The following ZNF385B variants were observed in gnomAD, a reference collection of about 807,000 sequenced individuals.
ZNF385B encodes zinc finger protein 533.
Under a neutral mutation model 39.2 loss-of-function variants are expected in ZNF385B, and 23 were observed. The observed-to-expected ratio is 0.59, with a 90% confidence interval of 0.42 to 0.83. ZNF385B has a LOEUF of 0.83. Among genes scored for constraint, ZNF385B ranks in the 40% least tolerant of loss-of-function variants. ZNF385B has a pLI of 0.00. For missense variants in ZNF385B, 552 were observed against 598.9 expected, an observed-to-expected ratio of 0.92 and a Z score of 0.82; for synonymous variants, 205 against 222.6, an observed-to-expected ratio of 0.92 and a Z score of 0.70.
intron 1 of ZNF385B, among the ~76,000 whole-genome samples, chr2:179,773,858 A>G (rs932396190): frequency 6.6e-6 from 1 of 152,216 alleles, no homozygotes; most frequent in Admixed American, 6.5e-5. Context: ...TATAAAAACT[A>G]TGTTTTATTC....
chr2:179,518,829 A>G (rs2058281708), intron 4 of ZNF385B, among the ~76,000 whole-genome samples, 191 bp from the exon 5 acceptor site: 1 of 152,204 alleles, frequency 6.6e-6, no homozygotes, highest in Non-Finnish European at 1.5e-5. Flanking sequence ...GACAAAAATG[A>G]AAACAAAAAA....
chr2:179,719,812 A>G (rs1054528899), intron 3 of ZNF385B, among the ~76,000 whole-genome samples: 1 of 152,160 alleles, frequency 6.6e-6, no homozygotes, highest in Non-Finnish European at 1.5e-5. Context: ...TATGCAGGCT[A>G]CTCTACATAA....
chr2:179,694,932 A>G (rs1698612802), intron 3 of ZNF385B, among the ~76,000 whole-genome samples: 1 of 146,428 alleles, frequency 6.8e-6, no homozygotes, highest in South Asian at 2.3e-4. Context: ...TCCATCTCAA[A>G]AAAGAAAAAA....
intron 3 of ZNF385B, among the ~76,000 whole-genome samples, chr2:179,584,509 A>G (rs921488993): frequency 6.6e-6 from 1 of 152,180 alleles, no homozygotes; most frequent in East Asian, 1.9e-4. Context: ...TGAAGAAAAT[A>G]TATATTTCAT....
Position 179,671,148 on chromosome 2 carries a change from A to G in ZNF385B, c.298+98355T>C, listed in dbSNP as rs570633490. Among the ~76,000 whole-genome samples the G allele has an allele frequency of 1.1e-4, 16 of 152,340 alleles. No homozygotes were observed. The East Asian group carries it at 2.9e-3, about 28-fold the overall frequency. On this transcript the variant is annotated intron_variant, in intron 3 of 9. Coordinates refer to ENST00000410066, the MANE Select transcript of ZNF385B (RefSeq NM_152520.6). ...CAAGTATAAAAACTTTGTCTATTTG[A>G]GATGGTTCTGGCGACTGTCAGCTGC...
intron 3 of ZNF385B, among the ~76,000 whole-genome samples, chr2:179,588,841 A>G (rs547451165): frequency 6.6e-6 from 1 of 152,284 alleles, no homozygotes; most frequent in South Asian, 2.1e-4. Context: ...GTGATGATAC[A>G]ATAGGGCTGA....
intron 1 of ZNF385B, among the ~76,000 whole-genome samples, chr2:179,837,824 G>C (rs575656478): frequency 2.6e-5 from 4 of 152,274 alleles, no homozygotes; most frequent in African/African-American, 9.6e-5. Context: ...CTAACACATA[G>C]AGAACAGTAG....
At chr2:179,745,429 G>C (rs1315884494) in intron 3 of ZNF385B, among the ~76,000 whole-genome samples, 1 of 152,108 alleles carries the variant, frequency 6.6e-6, no homozygotes, top group Non-Finnish European at 1.5e-5. Context: ...TCACTGACTT[G>C]TTCAGAATGT....
At chr2:179,548,299 T>C (rs1253288108) in intron 3 of ZNF385B, among the ~76,000 whole-genome samples, 5 of 149,752 alleles carry the variant, frequency 3.3e-5, no homozygotes, top group Non-Finnish European at 7.4e-5. Context: ...AGATTTATAA[T>C]GCTCCTCTCC....
At chr2:179,491,981 T>C (rs1028513741) in intron 5 of ZNF385B, among the ~76,000 whole-genome samples, 6 of 152,192 alleles carry the variant, frequency 3.9e-5, no homozygotes, top group African/African-American at 1.4e-4. Flanking sequence ...GATTCAGGTG[T>C]GCAACACCAT....
chr2:179,639,739 C>T (rs2106215729), intron 3 of ZNF385B, among the ~76,000 whole-genome samples: 1 of 152,192 alleles, frequency 6.6e-6, no homozygotes, highest in East Asian at 1.9e-4. Context: ...CCAATTCAGG[C>T]AATGATCATC....
chr2:179,494,855 T>C (rs1052196683), intron 5 of ZNF385B, among the ~76,000 whole-genome samples: 3 of 152,192 alleles, frequency 2.0e-5, no homozygotes, highest in African/African-American at 7.2e-5. Context: ...TATTTAGCAA[T>C]AGGTTTTAAA....
intron 3 of ZNF385B, among the ~76,000 whole-genome samples, chr2:179,600,387 A>G (rs992837918): frequency 5.3e-5 from 8 of 152,232 alleles, no homozygotes; most frequent in African/African-American, 1.4e-4. Flanking sequence ...GACTAAAAAA[A>G]CTACAAATGT....
At chr2:179,561,175 C>T (rs2061312150) in intron 3 of ZNF385B, among the ~76,000 whole-genome samples, 1 of 152,146 alleles carries the variant, frequency 6.6e-6, no homozygotes, top group African/African-American at 2.4e-5. Flanking sequence ...GTTTTCTAAA[C>T]TTTACATGGC....
intron 6 of ZNF385B, among the ~76,000 whole-genome samples, chr2:179,447,882 T>C (rs112311282): frequency 0.047 from 7,136 of 152,156 alleles, 242 homozygotes; most frequent in Middle Eastern, 0.11. Flanking sequence ...CCTAAGCTTT[T>C]AGAACACATT....
intron 3 of ZNF385B, among the ~76,000 whole-genome samples, chr2:179,611,574 A>G (rs926247543): frequency 1.3e-5 from 2 of 152,090 alleles, no homozygotes; most frequent in African/African-American, 4.8e-5. Flanking sequence ...GTTTGGAAGT[A>G]TTTCCTCCTC....
intron 5 of ZNF385B, among the ~76,000 whole-genome samples, chr2:179,505,668 T>C (rs2057186955): frequency 1.3e-5 from 2 of 152,132 alleles, no homozygotes; most frequent in Non-Finnish European, 2.9e-5. Flanking sequence ...GATTATAAGT[T>C]AGCACTACGT....
intron 6 of ZNF385B, chr2:179,481,249 A>C (rs2053956122): frequency 1.3e-5 from 2 of 152,118 alleles, no homozygotes; most frequent in Admixed American, 1.3e-4. Context: ...GAATCCTTAA[A>C]CTTTATTTCA....
intron 3 of ZNF385B, among the ~76,000 whole-genome samples, chr2:179,639,403 A>C (rs1312966057): frequency 6.6e-6 from 1 of 152,114 alleles, no homozygotes; most frequent in East Asian, 1.9e-4. Context: ...CTAAAGGAGT[A>C]GACTGTAAAT....
Sources: gnomAD v4.1 joint callset for allele counts (sites outside exome capture counted in the v4.1 genomes callset) on GRCh38, gnomAD v4.1.1 for gene constraint, MANE v1.5 for transcripts, NCBI Gene and HGNC (gene_info 2026-07-23, HGNC 2026-07-21) for gene names.